Variants in GTPBP2 observed in about 807,000 individuals in gnomAD.
The protein encoded by GTPBP2 is GTP binding protein 2.
Under a neutral mutation model 63.0 loss-of-function variants are expected in GTPBP2, and 32 were observed. The ratio of observed to expected loss-of-function variants is 0.51; its 90% CI spans 0.38 to 0.68. The LOEUF (loss-of-function observed/expected upper bound fraction) is 0.68. Among genes scored for constraint, GTPBP2 ranks in the 30% least tolerant of loss-of-function variants. GTPBP2 has a pLI of 0.00. For missense variants in GTPBP2, 492 were observed against 796.9 expected (o/e 0.62, Z 4.61); for synonymous variants, 310 against 322.6 (o/e 0.96, Z 0.42).
At position 43,624,436 on chromosome 6, in the gene GTPBP2, T is replaced by C. The variant is rs897791005; in HGVS notation, c.1100+74A>G. ...CTGGTCTGGCCCTGGAGAAGTAGGA[T>C]ATCATGCTTCTGGGCCCTGGGCTCT... On this transcript the variant is annotated intron_variant, in intron 7 of 11. Transcript: ENST00000307126. This position sits in a 1 kb window ranked among gnomAD's most constrained non-coding sequence, Gnocchi z 5.1. The C allele has an allele frequency of 7.3e-6, 8 of 1,090,062 alleles. No individual in the cohort carries two copies. In the Admixed American group the frequency reaches 1.3e-4, roughly 17 times the overall value. The allele number at this position is 1,090,062 out of a possible 1,614,324, so 67.5% of individuals were successfully genotyped here.
At chr6:43,627,148 T>C in intron 1 of GTPBP2, 200 bp from the exon 2 acceptor site, 1 of 634,404 alleles carries the variant, frequency 1.6e-6, no homozygotes. Flanking sequence ...AGGGAAGGCC[T>C]ATAAGGACAC....
intron 11 of GTPBP2, 44 bp from the exon 12 acceptor site, chr6:43,621,834 C>G: frequency 1.9e-6 from 3 of 1,613,392 alleles, no homozygotes; most frequent in Non-Finnish European, 2.5e-6. Context: ...TGCCTTCTGT[C>G]CCATTCTCTG....
Position 43,629,049 on chromosome 6 carries a change from C to T in GTPBP2, c.114G>A (p.Gly38=), listed in dbSNP as rs913529340. Residue 38 remains glycine (G), a synonymous_variant, in exon 1 of 12, where the codon GGG becomes GGA. Transcript: ENST00000307126. ...TTCCGTTCTTCTTCTTTCCCTTTGG[C>T]CCCCCGCAGCCGCTGCTGCTGCCGG... ...RGAGSSSGCG[G]PKGKKKNGRN... 4.3e-6 allele frequency: 7 copies of T among 1,610,812 alleles called. No individual in the cohort carries two copies. Among genetic ancestry groups the T allele is most frequent in the Non-Finnish European group, 5.9e-6 (7 of 1,178,550 alleles).
At chr6:43,628,183 G>T (rs1228054669) in intron 1 of GTPBP2, among the ~76,000 whole-genome samples, 4 of 152,152 alleles carry the variant, frequency 2.6e-5, no homozygotes, top group Non-Finnish European at 4.4e-5. Flanking sequence ...GGCCAACATG[G>T]TGAAACCCCA....
In GTPBP2 at chr6:43,624,686, T is replaced by C. The variant is rs747483633; in HGVS notation, c.924A>G (p.Lys308=). The C allele has an allele frequency of 2.3e-5, 37 of 1,614,094 alleles. No individual in the cohort carries two copies. The South Asian group carries it at 3.5e-4, about 15-fold the overall frequency. Residue 308 remains lysine, a synonymous_variant, in exon 7 of 12, where the codon AAA becomes AAG. Coordinates refer to ENST00000307126, the MANE Select transcript of GTPBP2 (RefSeq NM_019096.5). This position sits in a 1 kb window ranked among gnomAD's most constrained non-coding sequence, Gnocchi z 5.1. Reference sequence around the variant, plus strand: ...TGCTGACCACGATGAAGAAGGGCACTTTCAGGGCCAGGGCCAGCCCCAGAT... The same window carrying C: ...TGCTGACCACGATGAAGAAGGGCACCTTCAGGGCCAGGGCCAGCCCCAGAT... ...REHLGLALAL[K]VPFFIVVSKI...
rs1279521449 is a variant in GTPBP2 at position 43,624,764 on chromosome 6, G to A, written c.881-35C>T. On this transcript the variant is annotated intron_variant, in intron 6 of 11. Transcript: ENST00000307126. The surrounding 1 kb of genome is among the most constrained non-coding windows in gnomAD (Gnocchi z 5.1). ...AAGGACAGCAAGCAGCAGGAGAGAAGAGTGAGAATGCAGGAGGGAGGAGAG... is the reference window on the plus strand; with the variant it reads ...AAGGACAGCAAGCAGCAGGAGAGAAAAGTGAGAATGCAGGAGGGAGGAGAG... The A allele has an allele frequency of 1.3e-6, 2 of 1,599,286 alleles. No individual in the cohort carries two copies. The highest frequency in any genetic ancestry group is 8.6e-7 in the Non-Finnish European group (1 of 1,167,386).
chr6:43,631,135 A>G (rs1215756010), upstream of GTPBP2, among the ~76,000 whole-genome samples: 1 of 152,110 alleles, frequency 6.6e-6, no homozygotes, highest in Non-Finnish European at 1.5e-5. Context: ...AAGCAGTGAG[A>G]GCAGAGAGAC....
At position 43,624,128 on chromosome 6, in the gene GTPBP2, G is replaced by A. The variant is rs1769079197; in HGVS notation, c.1101-60C>T. On this transcript the variant is annotated intron_variant, in intron 7 of 11. Coordinates refer to ENST00000307126, the MANE Select transcript of GTPBP2 (RefSeq NM_019096.5). The surrounding 1 kb of genome is among the most constrained non-coding windows in gnomAD (Gnocchi z 5.1). ...CAGTCCAAACAGGAGGCAGAGGCCAGAGCCCCATACATGGAAAGGTGAGCT... is the reference window on the plus strand; with the variant it reads ...CAGTCCAAACAGGAGGCAGAGGCCAAAGCCCCATACATGGAAAGGTGAGCT... 4.7e-6 allele frequency: 7 copies of A among 1,474,922 alleles called. No homozygotes were observed. In the Admixed American group the frequency reaches 7.8e-5, roughly 16 times the overall value. The allele number at this position is 1,474,922 out of a possible 1,614,324, so 91.4% of individuals were successfully genotyped here. A position where few individuals can be genotyped will look rare whatever the true frequency, so the allele number is the denominator to read the frequency against.
rs45603636 is a variant in GTPBP2, at chr6:43,623,319, G to A, written c.1295+418C>T. The stretch of plus-strand genomic sequence containing the variant: ...GCAGGAGAATTGCTGGAACCCAGGA[G>A]GCAGAGGTTGCAGTGAGCCAAGATC... On this transcript the variant is annotated intron_variant, in intron 9 of 11. Coordinates refer to ENST00000307126, the MANE Select transcript of GTPBP2 (RefSeq NM_019096.5). The A allele has an allele frequency of 9.3e-3, 1,704 of 182,274 alleles. 12 individuals are homozygous for A. Among genetic ancestry groups the A allele is most frequent in the Middle Eastern group, 0.013 (5 of 398 alleles). 11.3% of individuals were successfully genotyped at this position (182,274 alleles called of 1,614,324 possible). A position where few individuals can be genotyped will look rare whatever the true frequency, so the allele number is the denominator to read the frequency against.
intron 1 of GTPBP2, 37 bp downstream of exon 1, chr6:43,628,940 T>G (rs752165054): frequency 8.1e-6 from 13 of 1,596,938 alleles, no homozygotes; most frequent in Non-Finnish European, 1.1e-5. Flanking sequence ...CCGGAAAGAG[T>G]GGCTTCTTCC....
Position 43,625,480 on chromosome 6 carries a change from C to T in GTPBP2, c.588G>A (p.Glu196=). The part of the protein sequence containing the change: ...STLLGVLTQG[E]LDNGRGRARL... ...GAGCCCGGCCCCGCCCATTGTCCAG[C>T]TCTCCCTGGGTCAGGACTCCAAGCA... The change falls in exon 5 of 12, where the codon GAG becomes GAA. Residue 196 remains glutamate, a synonymous_variant. Transcript: ENST00000307126. The surrounding 1 kb of genome is among the most constrained non-coding windows in gnomAD (Gnocchi z 5.1). 1 of 1,614,098 alleles carries T rather than the reference C, an allele frequency of 6.2e-7. No individual in the cohort carries two copies. Among genetic ancestry groups the T allele is most frequent in the Admixed American group, 1.7e-5 (1 of 60,020 alleles).
Position 43,624,829 on chromosome 6 carries a change from C to T in GTPBP2, c.880+59G>A. On this transcript the variant is annotated intron_variant, in intron 6 of 11. Coordinates refer to ENST00000307126, the MANE Select transcript of GTPBP2 (RefSeq NM_019096.5). The surrounding 1 kb of genome is among the most constrained non-coding windows in gnomAD (Gnocchi z 5.1). Reference sequence around the variant, plus strand: ...ATTGGTCTGTCTCCAAGATTTGAGGCCCAGGGTAGGAGAGTCAGCACCCCC... The same window carrying T: ...ATTGGTCTGTCTCCAAGATTTGAGGTCCAGGGTAGGAGAGTCAGCACCCCC... 1.3e-6 allele frequency: 2 copies of T among 1,592,634 alleles called. No homozygotes were observed. Among genetic ancestry groups the T allele is most frequent in the Non-Finnish European group, 1.7e-6 (2 of 1,161,716 alleles).
In GTPBP2 at chr6:43,626,538, C is replaced by T. The variant is rs768173122; in HGVS notation, c.214-128G>A. 2.9e-6 allele frequency: 2 copies of T among 684,882 alleles called. No individual in the cohort carries two copies. The highest frequency in any genetic ancestry group is 1.8e-5 in the African/African-American group (1 of 55,606). 42.4% of individuals were successfully genotyped at this position (684,882 alleles called of 1,614,324 possible). On this transcript the variant is annotated intron_variant, in intron 2 of 11. Coordinates refer to ENST00000307126, the MANE Select transcript of GTPBP2 (RefSeq NM_019096.5). The surrounding 1 kb of genome is among the most constrained non-coding windows in gnomAD (Gnocchi z 4.0). ...ACTTAAACTCATACCTGATCCCCCTCCAACAGAACGAGGTACAGAGCCCTT... is the reference window on the plus strand; with the variant it reads ...ACTTAAACTCATACCTGATCCCCCTTCAACAGAACGAGGTACAGAGCCCTT...
Position 43,625,275 on chromosome 6 carries a change from T to C in GTPBP2, c.705+88A>G. 7.7e-7 allele frequency: 1 copy of C among 1,304,140 alleles called. No individual in the cohort carries two copies. The highest frequency in any genetic ancestry group is 1.7e-5 in the Admixed American group (1 of 58,096). 80.8% of individuals were successfully genotyped at this position (1,304,140 alleles called of 1,614,324 possible). A position where few individuals can be genotyped will look rare whatever the true frequency, so the allele number is the denominator to read the frequency against. On this transcript the variant is annotated intron_variant, in intron 5 of 11. Transcript: ENST00000307126. This position sits in a 1 kb window ranked among gnomAD's most constrained non-coding sequence, Gnocchi z 5.1. ...TTCATCTATACTATTTCAAAAAGTC[T>C]CCACACTCTACCCCCATCCTATGTC... is the stretch of plus-strand genomic sequence containing the variant.
At chr6:43,627,562 C>G (rs756638377) in intron 1 of GTPBP2, among the ~76,000 whole-genome samples, 1 of 152,290 alleles carries the variant, frequency 6.6e-6, no homozygotes, top group South Asian at 2.1e-4. Flanking sequence ...CGGACAGACT[C>G]GCTATGGCCT....
chr6:43,628,470 C>CTGTGTGTGTGTGTGTGTG (rs60906505), intron 1 of GTPBP2: 1 of 421,980 alleles, frequency 2.4e-6, no homozygotes, highest in African/African-American at 2.2e-5. Flanking sequence ...CTGGCTTAGG[C>CTGTGTGTGTGTGTGTGTG]TGTGTGTGTG....
Position 43,626,124 on chromosome 6 carries a change from G to T in GTPBP2, c.398+102C>A. ...TCCCCACTTCAGCCCTTTGTCAAGAGAAGGAAAGTCCCACCTTGGCCCCTC... is the reference window on the plus strand; with the variant it reads ...TCCCCACTTCAGCCCTTTGTCAAGATAAGGAAAGTCCCACCTTGGCCCCTC... On this transcript the variant is annotated intron_variant, in intron 3 of 11. Transcript: ENST00000307126. The surrounding 1 kb of genome is among the most constrained non-coding windows in gnomAD (Gnocchi z 4.0). 8.9e-7 allele frequency: 1 copy of T among 1,120,012 alleles called. No individual in the cohort carries two copies. The highest frequency in any genetic ancestry group is 1.3e-6 in the Non-Finnish European group (1 of 759,080). The allele number at this position is 1,120,012 out of a possible 1,614,324, so 69.4% of individuals were successfully genotyped here.
chr6:43,622,538 T>C lies in GTPBP2; in HGVS notation c.1467+95A>G. ...GGTCAGAGAGTGTGTTTCCTCTGAG[T>C]TTCTCTGAAGCACCTTAGATAGGTG... is the stretch of plus-strand genomic sequence containing the variant. On this transcript the variant is annotated intron_variant, in intron 10 of 11. Transcript: ENST00000307126. The surrounding 1 kb of genome is among the most constrained non-coding windows in gnomAD (Gnocchi z 5.4). 4.9e-6 allele frequency: 6 copies of C among 1,214,500 alleles called. No homozygotes were observed. Among genetic ancestry groups the C allele is most frequent in the Non-Finnish European group, 7.0e-6 (6 of 854,422 alleles). 75.2% of individuals were successfully genotyped at this position (1,214,500 alleles called of 1,614,324 possible). A position where few individuals can be genotyped will look rare whatever the true frequency, so the allele number is the denominator to read the frequency against.
Position 43,625,420 on chromosome 6 carries a change from C to T in GTPBP2, c.648G>A (p.Gln216=), listed in dbSNP as rs951334686. The T allele has an allele frequency of 6.2e-7, 1 of 1,614,132 alleles. No homozygotes were observed. Among genetic ancestry groups the T allele is most frequent in the Non-Finnish European group, 8.5e-7 (1 of 1,180,040 alleles). The change falls in exon 5 of 12, where the codon CAG becomes CAA. Residue 216 remains glutamine (Q), a synonymous_variant. Coordinates refer to ENST00000307126, the MANE Select transcript of GTPBP2 (RefSeq NM_019096.5). The surrounding 1 kb of genome is among the most constrained non-coding windows in gnomAD (Gnocchi z 5.1). ...AGCTGATGCTGGAGGTTCGGCCAGACTGAATCTCATGCAGGTGGCGGAAAA... is the reference window on the plus strand; with the variant it reads ...AGCTGATGCTGGAGGTTCGGCCAGATTGAATCTCATGCAGGTGGCGGAAAA... ...LNLFRHLHEI[Q]SGRTSSISFE...
Sources: allele counts gnomAD v4.1 joint callset (sites outside exome capture counted in the v4.1 genomes callset), GRCh38; gene constraint gnomAD v4.1.1; non-coding constraint Gnocchi (gnomAD v3.1); transcripts MANE v1.5; gene names NCBI Gene and HGNC (gene_info 2026-07-23, HGNC 2026-07-21).